Variants in EVC observed in about 807,000 individuals in gnomAD.
EVC encodes the protein evC complex member EVC.
Under a neutral mutation model 118.9 loss-of-function variants are expected in EVC, and 116 were observed. That is an observed-to-expected ratio of 0.98 (90% CI 0.84 to 1.14). The LOEUF (loss-of-function observed/expected upper bound fraction) is 1.14. Ranked by LOEUF, EVC falls within the 50% of genes most tolerant of loss-of-function variation. The probability of loss-of-function intolerance (pLI) is 0.00; values close to 1 mark genes in which losing one functional copy is unlikely to be tolerated. For synonymous variants in EVC, 619 were observed against 534.7 expected, an observed-to-expected ratio of 1.16 and a Z score of -2.18; for missense variants, 1,401 against 1,246.4, an observed-to-expected ratio of 1.12 and a Z score of -1.87.
chr4:5,794,299 T>TTA (rs1362642233), intron 13 of EVC, among the ~76,000 whole-genome samples: 1 of 123,462 alleles, frequency 8.1e-6, no homozygotes, highest in Non-Finnish European at 1.7e-5. Context: ...TTTTATATAT[T>TTA]TATATTTTTA....
At chr4:5,807,135 A>T (rs1043495317) in intron 17 of EVC, among the ~76,000 whole-genome samples, 2 of 152,202 alleles carry the variant, frequency 1.3e-5, no homozygotes, top group African/African-American at 4.8e-5. Flanking sequence ...CTGCCACTCA[A>T]ACTAGAGCTC....
chr4:5,745,179 T>G, intron 6 of EVC, 25 bp from the exon 7 acceptor site: 1 of 1,607,296 alleles, frequency 6.2e-7, no homozygotes, highest in African/African-American at 1.4e-5. Flanking sequence ...GTTTATTTGC[T>G]TTCTTTTTTC....
intron 2 of EVC, among the ~76,000 whole-genome samples, chr4:5,720,583 G>A (rs1055718873): frequency 6.6e-6 from 1 of 152,234 alleles, no homozygotes; most frequent in Non-Finnish European, 1.5e-5. Context: ...AAGGTCCGAC[G>A]TCAGTAGGGC....
At chr4:5,814,983 A>G (rs984685261), downstream of EVC, among the ~76,000 whole-genome samples, 2 of 152,082 alleles carry the variant, frequency 1.3e-5, no homozygotes, top group African/African-American at 4.8e-5. Context: ...ATCACTATAC[A>G]CAGAGGTGTA....
At chr4:5,763,351 T>A (rs1463106866) in intron 11 of EVC, among the ~76,000 whole-genome samples, 1 of 147,202 alleles carries the variant, frequency 6.8e-6, no homozygotes, top group Non-Finnish European at 1.5e-5. Context: ...TCCAGCTTTG[T>A]TCTTTTGGCT....
In EVC at chr4:5,738,647, A is replaced by T. The variant is rs1025550731; in HGVS notation, c.703-3069A>T. On this transcript the variant is annotated intron_variant, in intron 5 of 20. Transcript: ENST00000264956. The surrounding 1 kb of genome is among the most constrained non-coding windows in gnomAD (Gnocchi z 6.5). ...AAGACGGAGATCTCAACTCACTGCA[A>T]ACTTTGCCTCCCAGATTCAAGTGAT... Among the ~76,000 whole-genome samples, 5 of 151,910 alleles carry T rather than the reference A, an allele frequency of 3.3e-5. No homozygotes were observed. Among genetic ancestry groups the T allele is most frequent in the Non-Finnish European group, 7.4e-5 (5 of 67,986 alleles).
chr4:5,815,807 A>G (rs529846681), downstream of EVC, among the ~76,000 whole-genome samples: 2 of 152,204 alleles, frequency 1.3e-5, no homozygotes, highest in African/African-American at 4.8e-5. Context: ...TGGAATGTAC[A>G]CCATTGACCG....
chr4:5,801,496 T>C (rs1714964105), intron 15 of EVC, among the ~76,000 whole-genome samples: 1 of 152,026 alleles, frequency 6.6e-6, no homozygotes, highest in South Asian at 2.1e-4. Context: ...CTGGCCAACA[T>C]GGCAAAACCC....
Position 5,745,337 on chromosome 4 carries a change from A to G in EVC, c.935A>G (p.Asp312Gly), listed in dbSNP as rs1396392046. 2 of 1,613,734 alleles carry G rather than the reference A, an allele frequency of 1.2e-6. No homozygotes were observed. Among genetic ancestry groups the G allele is most frequent in the Admixed American group, 1.7e-5 (1 of 59,988 alleles). The change falls in exon 7 of 21, where the codon GAT becomes GGT. Residue 312 changes from aspartate to glycine, a missense_variant. By Grantham distance (94) the Asp-to-Gly change is moderately conservative (BLOSUM62 -1). Coordinates refer to ENST00000264956, the MANE Select transcript of EVC (RefSeq NM_153717.3). Reference sequence around the variant, plus strand: ...AGAGAATACTCTGAACAGCTAATCGATAATGTGCGTGCCAGACTTTCTTTC... The same window carrying G: ...AGAGAATACTCTGAACAGCTAATCGGTAATGTGCGTGCCAGACTTTCTTTC... ...KEREYSEQLI[D>G]NMEAFWKQMA... is the part of the protein sequence containing the mutation.
At position 5,789,078 on chromosome 4, in the gene EVC, CTT is replaced by C. The variant is rs988286206; in HGVS notation, c.1777-4528_1777-4527del. ...TTAACATCCCTGAAATCAAGATACA[CTT>C]TAATTGGCAGTGACTTTTCTCTGTT... On this transcript the variant is annotated intron_variant, in intron 12 of 20. Coordinates refer to ENST00000264956, the MANE Select transcript of EVC (RefSeq NM_153717.3). The surrounding 1 kb of genome is among the most constrained non-coding windows in gnomAD (Gnocchi z 4.3). Among the ~76,000 whole-genome samples the C allele has an allele frequency of 5.3e-5, 8 of 152,162 alleles. No homozygotes were observed. The highest frequency in any genetic ancestry group is 1.9e-4 in the African/African-American group (8 of 41,414).
chr4:5,747,781 T>C (rs1729589678), intron 7 of EVC, among the ~76,000 whole-genome samples: 1 of 152,246 alleles, frequency 6.6e-6, no homozygotes. Context: ...AAGTATTTAA[T>C]CCCATTTAAA....
chr4:5,736,963 G>C (rs1442911841), intron 5 of EVC, among the ~76,000 whole-genome samples: 6 of 152,196 alleles, frequency 3.9e-5, no homozygotes, highest in Non-Finnish European at 8.8e-5. Flanking sequence ...GAGGAAGGCA[G>C]GTCTAAAGCT....
At chr4:5,796,976 T>A (rs1714074295) in intron 13 of EVC, 46 bp from the exon 14 acceptor site, 2 of 1,426,018 alleles carry the variant, frequency 1.4e-6, no homozygotes, top group Non-Finnish European at 2.0e-6. Flanking sequence ...ACTGGCTTCG[T>A]GAAGCCAAGA....
In EVC at chr4:5,760,459, G is replaced by A. The variant is rs533433874; in HGVS notation, c.1563+4097G>A. ...ATACCTGCTGGAGTCTCTCTCCTAG[G>A]AGGAGGTATATGAAATGTACTGCAT... On this transcript the variant is annotated intron_variant, in intron 11 of 20. Coordinates refer to ENST00000264956, the MANE Select transcript of EVC (RefSeq NM_153717.3). Among the ~76,000 whole-genome samples the A allele has an allele frequency of 3.3e-5, 5 of 152,214 alleles. No homozygotes were observed. The East Asian group carries it at 9.7e-4, about 29-fold the overall frequency.
chr4:5,802,678 C>T (rs545317891), intron 16 of EVC, among the ~76,000 whole-genome samples: 39 of 152,282 alleles, frequency 2.6e-4, no homozygotes, highest in African/African-American at 8.4e-4. Flanking sequence ...CTAGATCCCT[C>T]GCATGTGCAG....
At position 5,754,911 on chromosome 4, in the gene EVC, G is replaced by GGGT. The variant is rs1730932194; in HGVS notation, c.1464+981_1464+983dup. 1.3e-5 allele frequency among the ~76,000 whole-genome samples: 2 copies of GGGT among 152,088 alleles called. No individual in the cohort carries two copies. Among genetic ancestry groups the GGGT allele is most frequent in the Admixed American group, 1.3e-4 (2 of 15,268 alleles). On this transcript the variant is annotated intron_variant, in intron 10 of 20. Coordinates refer to ENST00000264956, the MANE Select transcript of EVC (RefSeq NM_153717.3). The surrounding 1 kb of genome is among the most constrained non-coding windows in gnomAD (Gnocchi z 5.8). ...GCACATCTCAGTTCTGCCAAGGGGT[G>GGGT]GGTGGCACCATGTCTGGGTCCAGGC...
intron 11 of EVC, among the ~76,000 whole-genome samples, chr4:5,768,949 G>T (rs1733487622): frequency 6.6e-6 from 1 of 152,100 alleles, no homozygotes; most frequent in Non-Finnish European, 1.5e-5. Context: ...TTGCTGGCTG[G>T]CTGGCTGTGC....
chr4:5,786,813 A>C (rs965000134), intron 12 of EVC, among the ~76,000 whole-genome samples: 1 of 150,140 alleles, frequency 6.7e-6, no homozygotes, highest in Non-Finnish European at 1.5e-5. Flanking sequence ...CAGAGCTTGC[A>C]GTGAGCCGAG....
chr4:5,729,776 A>C (rs967544915), intron 3 of EVC, among the ~76,000 whole-genome samples: 7 of 152,182 alleles, frequency 4.6e-5, no homozygotes, highest in Non-Finnish European at 5.9e-5. Context: ...GTGTTGTGTT[A>C]AGTATTTGTC....
Sources: allele counts gnomAD v4.1 joint callset (sites outside exome capture counted in the v4.1 genomes callset), GRCh38; gene constraint gnomAD v4.1.1; non-coding constraint Gnocchi (gnomAD v3.1); transcripts MANE v1.5; gene names NCBI Gene and HGNC (gene_info 2026-07-23, HGNC 2026-07-21).